Variants in SCHIP1 observed in about 807,000 individuals in gnomAD.
SCHIP1 encodes the protein schwannomin-interacting protein 1.
SCHIP1 carries 8 observed loss-of-function variants against 29.7 expected under a neutral mutation model. That is an observed-to-expected ratio of 0.27 (90% CI 0.16 to 0.49). The LOEUF (loss-of-function observed/expected upper bound fraction) is 0.49, where lower values mean the gene tolerates loss of function less well. Ranked by LOEUF, SCHIP1 falls within the 20% of genes least tolerant of loss-of-function variation. The probability of loss-of-function intolerance (pLI) is 0.99; values close to 1 mark genes in which losing one functional copy is unlikely to be tolerated. For synonymous variants in SCHIP1, 76 were observed against 94.9 expected (o/e 0.80, Z 1.16); for missense variants, 193 against 294.6 (o/e 0.66, Z 2.52).
the SCHIP1 span, among the ~76,000 whole-genome samples, chr3:159,598,217 G>A: frequency 1.2e-4 from 18 of 152,188 alleles, no homozygotes; most frequent in East Asian, 1.9e-3. Context: ...TCTTATGTCC[G>A]TTTCACATTT....
At chr3:159,410,256 C>A in the SCHIP1 span, among the ~76,000 whole-genome samples, 1 of 151,998 alleles carries the variant, frequency 6.6e-6, no homozygotes, top group Non-Finnish European at 1.5e-5. Context: ...GCACAGACAA[C>A]CAAAGCAAAA....
chr3:159,537,699 A>G, the SCHIP1 span, among the ~76,000 whole-genome samples: 5 of 152,052 alleles, frequency 3.3e-5, no homozygotes, highest in South Asian at 8.3e-4. Flanking sequence ...AGCCATAAAC[A>G]TGGCTTCCAT....
At chr3:159,447,428 G>A in the SCHIP1 span, among the ~76,000 whole-genome samples, 1 of 152,118 alleles carries the variant, frequency 6.6e-6, no homozygotes, top group Non-Finnish European at 1.5e-5. Flanking sequence ...GGGAACTAGA[G>A]AGTAAAAAGG....
At chr3:159,333,766 C>A in the SCHIP1 span, among the ~76,000 whole-genome samples, 1 of 152,030 alleles carries the variant, frequency 6.6e-6, no homozygotes. Flanking sequence ...TTTCTGTTAA[C>A]CAGCTCTGTC....
At chr3:159,587,049 G>A in the SCHIP1 span, among the ~76,000 whole-genome samples, 1 of 152,118 alleles carries the variant, frequency 6.6e-6, no homozygotes, top group East Asian at 1.9e-4. Flanking sequence ...GCTGCTGAAT[G>A]CCAGTCCAAG....
chr3:159,756,455 C>A, the SCHIP1 span, among the ~76,000 whole-genome samples: 2 of 152,170 alleles, frequency 1.3e-5, no homozygotes, highest in African/African-American at 4.8e-5. Flanking sequence ...AGCACAGGGA[C>A]CCTGGGCCTG....
intron 1 of SCHIP1, among the ~76,000 whole-genome samples, chr3:159,840,407 T>C (rs779677677): frequency 1.3e-5 from 2 of 152,246 alleles, no homozygotes; most frequent in Non-Finnish European, 2.9e-5. Flanking sequence ...ACTGCTTCCT[T>C]GGCCTTTAAA....
the SCHIP1 span, among the ~76,000 whole-genome samples, chr3:159,720,550 T>C: frequency 6.6e-6 from 1 of 152,004 alleles, no homozygotes; most frequent in African/African-American, 2.4e-5. Flanking sequence ...CTTTCAGCAA[T>C]GTTTCTTGTT....
At chr3:159,863,519 A>G (rs1384604546) in intron 1 of SCHIP1, among the ~76,000 whole-genome samples, 2 of 152,274 alleles carry the variant, frequency 1.3e-5, no homozygotes, top group East Asian at 3.9e-4. Context: ...TGTGTTTTTA[A>G]ATAATTTGAA....
At chr3:159,374,435 G>A in the SCHIP1 span, among the ~76,000 whole-genome samples, 1 of 152,070 alleles carries the variant, frequency 6.6e-6, no homozygotes, top group East Asian at 1.9e-4. Context: ...GTGCCCTGTG[G>A]GAATCTGTGG....
In SCHIP1 at chr3:159,853,312, A is replaced by G. The variant is rs1046872643; in HGVS notation, c.31-12851A>G. Reference sequence around the variant, plus strand: ...TGAGCAGTAACCAGGGAACTGGGCAATTGGCACATCAGCCTATCAGAATTC... The same window carrying G: ...TGAGCAGTAACCAGGGAACTGGGCAGTTGGCACATCAGCCTATCAGAATTC... On this transcript the variant is annotated intron_variant, in intron 1 of 6. Coordinates refer to ENST00000445224, the Ensembl canonical transcript of SCHIP1. 22 of 645,086 alleles carry G rather than the reference A, an allele frequency of 3.4e-5. No homozygotes were observed. In the African/African-American group the frequency reaches 3.6e-4, roughly 11 times the overall value. The allele number at this position is 645,086 out of a possible 1,614,324, so 40.0% of individuals were successfully genotyped here.
chr3:159,759,180 T>G, the SCHIP1 span, among the ~76,000 whole-genome samples: 1 of 152,370 alleles, frequency 6.6e-6, no homozygotes, highest in South Asian at 2.1e-4. Context: ...CATTAAAATA[T>G]AGCTCTGTAA....
At chr3:159,656,587 GGCAA>G in the SCHIP1 span, among the ~76,000 whole-genome samples, 1 of 148,962 alleles carries the variant, frequency 6.7e-6, no homozygotes, top group African/African-American at 2.6e-5. Flanking sequence ...TGTGGCTTTG[GGCAA>G]GTTATTCATC....
At chr3:159,405,742 G>A in the SCHIP1 span, among the ~76,000 whole-genome samples, 1 of 152,042 alleles carries the variant, frequency 6.6e-6, no homozygotes, top group East Asian at 1.9e-4. Context: ...AATTAGCTGG[G>A]CATGGTGGCA....
At chr3:159,405,522 C>A in the SCHIP1 span, among the ~76,000 whole-genome samples, 1 of 152,158 alleles carries the variant, frequency 6.6e-6, no homozygotes, top group African/African-American at 2.4e-5. Context: ...ACACATCAGT[C>A]TCTTAATGGC....
chr3:159,809,573 G>A, the SCHIP1 span, among the ~76,000 whole-genome samples: 1 of 150,562 alleles, frequency 6.6e-6, no homozygotes, highest in East Asian at 2.0e-4. Context: ...TTCCACAATG[G>A]TTGAACTAAT....
chr3:159,597,382 T>G, the SCHIP1 span, among the ~76,000 whole-genome samples: 1 of 152,274 alleles, frequency 6.6e-6, no homozygotes, highest in African/African-American at 2.4e-5. Context: ...TGAATTTATG[T>G]ATTCTTTCTT....
the SCHIP1 span, among the ~76,000 whole-genome samples, chr3:159,508,086 C>A: frequency 1.3e-5 from 2 of 152,188 alleles, no homozygotes; most frequent in Admixed American, 1.3e-4. Context: ...GGCTGTGAAT[C>A]CGTCTGGTCC....
At chr3:159,559,088 A>G in the SCHIP1 span, among the ~76,000 whole-genome samples, 4 of 152,196 alleles carry the variant, frequency 2.6e-5, no homozygotes, top group Non-Finnish European at 5.9e-5. Flanking sequence ...TCCCAAAAGA[A>G]CAGAAGAATG....
Sources: allele counts gnomAD v4.1 joint callset (sites outside exome capture counted in the v4.1 genomes callset), GRCh38; gene constraint gnomAD v4.1.1; transcripts MANE v1.5; gene names NCBI Gene and HGNC (gene_info 2026-07-23, HGNC 2026-07-21).